Variants in LEPR observed in about 807,000 individuals in gnomAD.
The protein encoded by LEPR is leptin receptor.
In LEPR, 56 loss-of-function variants were observed where a neutral mutation model predicts 114.7. That is an observed-to-expected ratio of 0.49 (90% CI 0.39 to 0.61). The LOEUF (loss-of-function observed/expected upper bound fraction) is 0.61. LEPR is among the 20% of genes least tolerant of loss of function. The pLI is 0.00. For synonymous variants in LEPR, 443 were observed against 461.4 expected, an observed-to-expected ratio of 0.96 and a Z score of 0.51; for missense variants, 1,202 against 1,352.9, an observed-to-expected ratio of 0.89 and a Z score of 1.75.
Position 65,618,328 on chromosome 1 carries a change from C to CTCTTT in LEPR, c.2395+195_2395+199dup, listed in dbSNP as rs760501479. Among the ~76,000 whole-genome samples, 5 of 151,932 alleles carry CTCTTT rather than the reference C, an allele frequency of 3.3e-5. No individual in the cohort carries two copies. In the South Asian group the frequency reaches 8.3e-4, roughly 25 times the overall value. ...AATTCTCTTCCTCTTCTCTTCTCTT[C>CTCTTT]TCTTTTCTTTTCTTTTCGGCAGGGT... is the stretch of plus-strand genomic sequence containing the variant. On this transcript the variant is annotated intron_variant, in intron 16 of 19. Transcript: ENST00000349533.
At chr1:65,492,735 G>A (rs1000622421) in intron 2 of LEPR, among the ~76,000 whole-genome samples, 7 of 150,624 alleles carry the variant, frequency 4.6e-5, no homozygotes, top group Admixed American at 1.3e-4. Flanking sequence ...CTGGCCTTTC[G>A]TATAGCTTCA....
At chr1:65,596,669 C>T in intron 7 of LEPR, 76 bp downstream of exon 7, 2 of 1,266,156 alleles carry the variant, frequency 1.6e-6, no homozygotes, top group South Asian at 2.6e-5. Flanking sequence ...AGCAATTACC[C>T]TCTGCATACT....
intron 2 of LEPR, among the ~76,000 whole-genome samples, chr1:65,532,784 A>G (rs10749753): frequency 0.4 from 60,735 of 152,052 alleles, 12,777 homozygotes; most frequent in Non-Finnish European, 0.47. Flanking sequence ...GCAAGTCCAT[A>G]AACACAGAAA....
intron 2 of LEPR, among the ~76,000 whole-genome samples, chr1:65,564,608 C>G (rs768671895): frequency 6.6e-6 from 1 of 152,150 alleles, no homozygotes; most frequent in Non-Finnish European, 1.5e-5. Flanking sequence ...TTACACTATT[C>G]TTTGTGGTAA....
rs140137775 is a variant in LEPR, at chr1:65,601,856, T to C, written c.1299T>C (p.Asn433=). The change falls in exon 10 of 20, where the codon AAT becomes AAC. Residue 433 remains asparagine (N), a synonymous_variant. Transcript: ENST00000349533. ...AELYVIDVNI[N]ISCETDGYLT... ...TGTTTCAAATAGATGTCAATATCAA[T>C]ATCTCATGTGAAACTGATGGGTACT... The C allele has an allele frequency of 3.1e-6, 5 of 1,613,204 alleles. No homozygotes were observed. Among genetic ancestry groups the C allele is most frequent in the Non-Finnish European group, 3.4e-6 (4 of 1,179,282 alleles).
intron 2 of LEPR, among the ~76,000 whole-genome samples, chr1:65,440,174 C>A (rs955685580): frequency 6.6e-6 from 1 of 151,890 alleles, no homozygotes; most frequent in Non-Finnish European, 1.5e-5. Flanking sequence ...GGAATCAACA[C>A]GATGGGACCT....
intron 15 of LEPR, among the ~76,000 whole-genome samples, chr1:65,616,460 T>A (rs1395448849): frequency 6.6e-6 from 1 of 152,162 alleles, no homozygotes; most frequent in Non-Finnish European, 1.5e-5. Flanking sequence ...TTATAATATA[T>A]GAGAATGTTT....
intron 2 of LEPR, among the ~76,000 whole-genome samples, chr1:65,472,615 G>GACACACACACACACACACACAC (rs77182938): frequency 2.3e-4 from 32 of 137,076 alleles, no homozygotes; most frequent in African/African-American, 7.8e-4. Context: ...TATATATATA[G>GACACACACACACACACACACAC]ACACACACAC....
chr1:65,565,881 T>TCA (rs1027363246), intron 3 of LEPR, among the ~76,000 whole-genome samples: 2 of 150,928 alleles, frequency 1.3e-5, no homozygotes, highest in African/African-American at 4.9e-5. Context: ...ACACACAGAC[T>TCA]CACACACACA....
At chr1:65,475,832 A>G (rs1047313051) in intron 2 of LEPR, among the ~76,000 whole-genome samples, 3 of 151,996 alleles carry the variant, frequency 2.0e-5, no homozygotes. Context: ...CTTAGACAAC[A>G]TAGTGAAACC....
At chr1:65,594,604 A>G (rs896544653) in intron 6 of LEPR, among the ~76,000 whole-genome samples, 7 of 152,054 alleles carry the variant, frequency 4.6e-5, no homozygotes, top group Admixed American at 1.3e-4. Context: ...CAAGAGCTCT[A>G]TTTTGGACAC....
At chr1:65,571,486 A>G (rs760566170) in intron 4 of LEPR, among the ~76,000 whole-genome samples, 3 of 152,122 alleles carry the variant, frequency 2.0e-5, no homozygotes, top group Non-Finnish European at 4.4e-5. Flanking sequence ...TGGAAAAGCT[A>G]GGAAGAGTGG....
At chr1:65,604,395 A>G (rs1374868584) in intron 10 of LEPR, among the ~76,000 whole-genome samples, 3 of 151,998 alleles carry the variant, frequency 2.0e-5, no homozygotes, top group African/African-American at 7.3e-5. Context: ...CCCAGGCTGC[A>G]GTGCAGTGGT....
Position 65,601,928 on chromosome 1 carries a change from T to TG in LEPR, c.1372dup (p.Ala458GlyfsTer11). 1 of 1,613,708 alleles carries TG rather than the reference T, an allele frequency of 6.2e-7. No homozygotes were observed. Among genetic ancestry groups the TG allele is most frequent in the Non-Finnish European group, 8.5e-7 (1 of 1,179,666 alleles). The stretch of plus-strand genomic sequence containing the variant: ...GGTCAACCAGTACAATCCAGTCACT[T>TG]GCGGAAAGCACTTTGCAATTGAGGT... On this transcript the variant is annotated frameshift_variant, in exon 10 of 20. Transcript: ENST00000349533. LOFTEE classifies it high-confidence loss of function.
At chr1:65,455,060 TC>T (rs1646848664) in intron 2 of LEPR, among the ~76,000 whole-genome samples, 1 of 152,226 alleles carries the variant, frequency 6.6e-6, no homozygotes, top group Non-Finnish European at 1.5e-5. Context: ...TACCCTTTCT[TC>T]CAGTTGATCG....
At chr1:65,455,822 T>TGG (rs1323463164) in intron 2 of LEPR, among the ~76,000 whole-genome samples, 1 of 152,236 alleles carries the variant, frequency 6.6e-6, no homozygotes, top group East Asian at 1.9e-4. Context: ...AGTTCGAGCT[T>TGG]CCTGGCTGCT....
chr1:65,449,018 C>G (rs1001612387), intron 2 of LEPR, among the ~76,000 whole-genome samples: 2 of 152,126 alleles, frequency 1.3e-5, no homozygotes, highest in African/African-American at 2.4e-5. Flanking sequence ...CTCAACCTCC[C>G]CAGTAGCTGG....
chr1:65,599,357 C>T (rs1049539339), intron 8 of LEPR, among the ~76,000 whole-genome samples: 1 of 152,072 alleles, frequency 6.6e-6, no homozygotes, highest in Non-Finnish European at 1.5e-5. Flanking sequence ...AGACCTGTTG[C>T]ATGCAAAGTT....
chr1:65,631,338 TTCATGTGTTTTTACGTGCCATTTCTTCAC>T (rs1410992949), intron 19 of LEPR, among the ~76,000 whole-genome samples: 34 of 152,122 alleles, frequency 2.2e-4, no homozygotes, highest in Non-Finnish European at 4.9e-4. Context: ...TTCTCTTGTC[TTCATGTGTTTTTACGTGCCATTTCTTCAC>T]GCACTGTCTC....
Sources: allele counts gnomAD v4.1 joint callset (sites outside exome capture counted in the v4.1 genomes callset), GRCh38; gene constraint gnomAD v4.1.1; transcripts MANE v1.5; gene names NCBI Gene and HGNC (gene_info 2026-07-23, HGNC 2026-07-21).